Variants in HPSE2 observed in about 807,000 individuals in gnomAD.
HPSE2 encodes heparanase 2 (inactive).
Under a neutral mutation model 60.5 loss-of-function variants are expected in HPSE2, and 38 were observed. The ratio of observed to expected loss-of-function variants is 0.63; its 90% CI spans 0.48 to 0.82. The LOEUF (loss-of-function observed/expected upper bound fraction) is 0.82, where lower values mean the gene tolerates loss of function less well. Ranked by LOEUF, HPSE2 falls within the 40% of genes least tolerant of loss-of-function variation. The pLI is 0.00. For synonymous variants in HPSE2, 295 were observed against 293.2 expected, an observed-to-expected ratio of 1.01 and a Z score of -0.06; for missense variants, 713 against 740.4, an observed-to-expected ratio of 0.96 and a Z score of 0.43.
rs181192874 is a variant in HPSE2 at position 99,016,105 on chromosome 10, C to G, written c.610+128133G>C. On this transcript the variant is annotated intron_variant, in intron 3 of 11. Transcript: ENST00000370552. ...GCTTTTGGCATCTTCATCATGAAAT[C>G]TTTGCCTGTGCCTATGTCCCAAATT... 2.0e-3 allele frequency among the ~76,000 whole-genome samples: 305 copies of G among 152,318 alleles called. 2 individuals carry two copies. The highest frequency in any genetic ancestry group is 3.7e-3 in the Non-Finnish European group (254 of 68,026).
intron 3 of HPSE2, among the ~76,000 whole-genome samples, chr10:98,909,290 C>T (rs1172702230): frequency 2.0e-5 from 3 of 151,862 alleles, no homozygotes; most frequent in Non-Finnish European, 2.9e-5. Flanking sequence ...TTCCAAAATG[C>T]CAATAAGGAA....
chr10:98,958,220 C>CATACACATATTTGTATACAT (rs1955558266), intron 3 of HPSE2, among the ~76,000 whole-genome samples: 2 of 152,120 alleles, frequency 1.3e-5, no homozygotes, highest in Non-Finnish European at 2.9e-5. Context: ...TATATTTACA[C>CATACACATATTTGTATACAT]ATACACATAT....
chr10:99,257,175 T>G, the HPSE2 span, among the ~76,000 whole-genome samples: 1 of 152,182 alleles, frequency 6.6e-6, no homozygotes, highest in African/African-American at 2.4e-5. Flanking sequence ...CTGTGATGAT[T>G]GCGTTAACTG....
intron 3 of HPSE2, among the ~76,000 whole-genome samples, chr10:98,972,383 T>C (rs1229713602): frequency 5.3e-5 from 8 of 152,170 alleles, no homozygotes. Flanking sequence ...AAAAAAATCC[T>C]GAATTTTAAT....
chr10:98,702,974 G>GA (rs911399403), intron 5 of HPSE2, among the ~76,000 whole-genome samples: 26 of 150,872 alleles, frequency 1.7e-4, no homozygotes, highest in Admixed American at 1.3e-3. Flanking sequence ...AACCCTTCAA[G>GA]AAAAAAAACA....
intron 2 of HPSE2, among the ~76,000 whole-genome samples, chr10:99,216,240 G>T (rs922840027): frequency 6.8e-6 from 1 of 146,212 alleles, no homozygotes; most frequent in Non-Finnish European, 1.5e-5. Context: ...GGTTGCCCAG[G>T]CTGGAGTGCA....
At chr10:98,811,084 C>T (rs747270961) in intron 3 of HPSE2, among the ~76,000 whole-genome samples, 4 of 152,148 alleles carry the variant, frequency 2.6e-5, no homozygotes, top group Non-Finnish European at 5.9e-5. Context: ...ACCTTCTATA[C>T]TCCAACTACA....
At chr10:98,696,292 TAAAAAAAA>T (rs71009706) in intron 5 of HPSE2, among the ~76,000 whole-genome samples, 2 of 89,658 alleles carry the variant, frequency 2.2e-5, no homozygotes, top group Non-Finnish European at 2.3e-5. Context: ...GAGGCTCCCA[TAAAAAAAA>T]AAAAAAAAAA....
intron 2 of HPSE2, among the ~76,000 whole-genome samples, chr10:99,194,968 T>C (rs1157732596): frequency 6.6e-6 from 1 of 151,938 alleles, no homozygotes; most frequent in Non-Finnish European, 1.5e-5. Context: ...CTTATGAACA[T>C]TGTTACAAGA....
chr10:99,138,410 T>C (rs549593280), intron 3 of HPSE2, among the ~76,000 whole-genome samples: 2 of 152,342 alleles, frequency 1.3e-5, no homozygotes, highest in Non-Finnish European at 2.9e-5. Context: ...CAAAGGATTA[T>C]AAATCATTCT....
intron 6 of HPSE2, among the ~76,000 whole-genome samples, chr10:98,644,518 A>G (rs1946717807): frequency 6.6e-6 from 1 of 152,142 alleles, no homozygotes; most frequent in South Asian, 2.1e-4. Context: ...AAAAATTTGG[A>G]GTTTGAAAAG....
At chr10:99,295,274 C>T in the HPSE2 span, among the ~76,000 whole-genome samples, 2 of 151,984 alleles carry the variant, frequency 1.3e-5, no homozygotes, top group African/African-American at 4.8e-5. Context: ...CAAAGTCATA[C>T]AGATAAAAGG....
rs769089495 is a variant in HPSE2, at chr10:98,744,028, A to G, written c.639T>C (p.Phe213=). The G allele has an allele frequency of 6.2e-7, 1 of 1,614,158 alleles. No homozygotes were observed. Among genetic ancestry groups the G allele is most frequent in the Non-Finnish European group, 8.5e-7 (1 of 1,180,002 alleles). The change falls in exon 4 of 12, where the codon TTT becomes TTC. Residue 213 remains phenylalanine (F), a synonymous_variant. Coordinates refer to ENST00000370552, the MANE Select transcript of HPSE2 (RefSeq NM_021828.5). ...TCAGGTGGAGTCCAGAGCAATCAGCAAAGTTATAAAGTTTGTCTAGAGACC... is the reference window on the plus strand; with the variant it reads ...TCAGGTGGAGTCCAGAGCAATCAGCGAAGTTATAAAGTTTGTCTAGAGACC... ...TARSLDKLYN[F]ADCSGLHLIF...
At chr10:98,699,661 G>T (rs1460830058) in intron 5 of HPSE2, among the ~76,000 whole-genome samples, 3 of 124,880 alleles carry the variant, frequency 2.4e-5, no homozygotes, top group Non-Finnish European at 3.4e-5. Context: ...GCAGGAGAAG[G>T]AAATAAAGGG....
intron 3 of HPSE2, among the ~76,000 whole-genome samples, chr10:99,140,779 C>G (rs1298993851): frequency 6.6e-6 from 1 of 152,176 alleles, no homozygotes; most frequent in Non-Finnish European, 1.5e-5. Flanking sequence ...TGGCTCACGC[C>G]TTTAATCCCA....
intron 3 of HPSE2, among the ~76,000 whole-genome samples, chr10:98,903,699 T>A (rs1299398081): frequency 6.6e-6 from 1 of 152,202 alleles, no homozygotes; most frequent in Non-Finnish European, 1.5e-5. Context: ...TCATTCACTT[T>A]ATCAAATTTA....
intron 3 of HPSE2, among the ~76,000 whole-genome samples, chr10:99,032,018 T>C (rs1957508714): frequency 6.6e-6 from 1 of 152,196 alleles, no homozygotes; most frequent in South Asian, 2.1e-4. Context: ...AGGCTTTTAG[T>C]TTTAGTTTGA....
rs202038196 is a variant in HPSE2, at chr10:98,721,731, C to A, written c.882G>T (p.Arg294=). ...CATATAAGCTGGCTCTGGAATAAAT[C>A]CGGATGGGCTGCAACAGGCTCTTCA... ...IQLKSLLQPI[R]IYSRASLYGP... is the part of the protein sequence containing the mutation. The change falls in exon 5 of 12, where the codon CGG becomes CGT. Residue 294 remains arginine, a synonymous_variant. Coordinates refer to ENST00000370552, the MANE Select transcript of HPSE2 (RefSeq NM_021828.5). 14 of 1,613,646 alleles carry A rather than the reference C, an allele frequency of 8.7e-6. No individual in the cohort carries two copies. The East Asian group carries it at 2.7e-4, about 31-fold the overall frequency.
At chr10:98,568,185 C>T (rs1944399560) in intron 9 of HPSE2, among the ~76,000 whole-genome samples, 1 of 152,198 alleles carries the variant, frequency 6.6e-6, no homozygotes, top group Admixed American at 6.5e-5. Flanking sequence ...TAGAAGAAAT[C>T]CTGTTGACCC....
Sources: allele counts gnomAD v4.1 joint callset (sites outside exome capture counted in the v4.1 genomes callset), GRCh38; gene constraint gnomAD v4.1.1; transcripts MANE v1.5; gene names NCBI Gene and HGNC (gene_info 2026-07-23, HGNC 2026-07-21).